C12orf42: variants seen among roughly 807,000 people sequenced by gnomAD.
C12orf42 encodes the protein chromosome 12 open reading frame 42.
A neutral mutation model predicts 21.6 loss-of-function variants in C12orf42; 25 were observed. The observed-to-expected ratio is 1.16, with a 90% CI of 0.84 to 1.62. C12orf42 has a LOEUF of 1.62. Among genes scored for constraint, C12orf42 ranks in the 40% most tolerant of loss-of-function variants. The pLI is 0.00. For missense variants in C12orf42, 483 were observed against 459.3 expected (o/e 1.05, Z -0.47); for synonymous variants, 174 against 175.0 (o/e 0.99, Z 0.05).
At chr12:103,411,089 C>G (rs1266798858) in intron 2 of C12orf42, among the ~76,000 whole-genome samples, 1 of 152,190 alleles carries the variant, frequency 6.6e-6, no homozygotes, top group Non-Finnish European at 1.5e-5. Flanking sequence ...CAGAAAAATA[C>G]TAGAGAGCAG....
chr12:103,454,767 T>A (rs1286264397), intron 2 of C12orf42, among the ~76,000 whole-genome samples: 1 of 152,178 alleles, frequency 6.6e-6, no homozygotes, highest in African/African-American at 2.4e-5. Flanking sequence ...CCATCTTTGT[T>A]TCCACTGATA....
the C12orf42 span, among the ~76,000 whole-genome samples, chr12:103,113,609 G>T: frequency 6.6e-6 from 1 of 152,156 alleles, no homozygotes; most frequent in Admixed American, 6.5e-5. Flanking sequence ...AGAGGACCTT[G>T]ATGTTGCTTA....
chr12:103,155,481 T>C, the C12orf42 span, among the ~76,000 whole-genome samples: 1 of 152,100 alleles, frequency 6.6e-6, no homozygotes, highest in Non-Finnish European at 1.5e-5. Flanking sequence ...TATGAGCACA[T>C]AATGAGTTTT....
chr12:103,379,632 A>G (rs1187916861), intron 3 of C12orf42, among the ~76,000 whole-genome samples: 1 of 152,228 alleles, frequency 6.6e-6, no homozygotes, highest in Admixed American at 6.5e-5. Context: ...TCATAATTCA[A>G]TTATCCAATG....
chr12:103,166,105 C>T, the C12orf42 span, among the ~76,000 whole-genome samples: 1 of 147,250 alleles, frequency 6.8e-6, no homozygotes, highest in Non-Finnish European at 1.5e-5. Context: ...AGGAAGAAAC[C>T]ACAAGAAGTG....
At chr12:103,331,870 T>C (rs994496320) in intron 4 of C12orf42, among the ~76,000 whole-genome samples, 2 of 152,100 alleles carry the variant, frequency 1.3e-5, no homozygotes, top group African/African-American at 4.8e-5. Context: ...GATAGCAGTA[T>C]AGGCAGGAAG....
the C12orf42 span, among the ~76,000 whole-genome samples, chr12:103,142,740 T>A: frequency 1.7e-4 from 26 of 152,224 alleles, no homozygotes; most frequent in Admixed American, 6.5e-4. Flanking sequence ...AATTTCTCTA[T>A]ATGTCTCAAA....
upstream of C12orf42, among the ~76,000 whole-genome samples, chr12:103,498,480 G>A (rs567493452): frequency 3.9e-4 from 59 of 152,124 alleles, no homozygotes; most frequent in Non-Finnish European, 7.9e-4. Context: ...ATATTATTCA[G>A]ACAAAAAAGG....
chr12:103,061,806 T>G, the C12orf42 span, among the ~76,000 whole-genome samples: 1 of 151,720 alleles, frequency 6.6e-6, no homozygotes, highest in Non-Finnish European at 1.5e-5. Flanking sequence ...TTTTACCTGA[T>G]TTTTTTTAAT....
At chr12:103,240,366 G>A (rs1202924885) in intron 10 of C12orf42, among the ~76,000 whole-genome samples, 5 of 152,142 alleles carry the variant, frequency 3.3e-5, no homozygotes, top group African/African-American at 1.2e-4. Flanking sequence ...AGCTTCTATT[G>A]TCATCACCCT....
chr12:103,089,026 C>T, the C12orf42 span, among the ~76,000 whole-genome samples: 3 of 135,724 alleles, frequency 2.2e-5, no homozygotes, highest in African/African-American at 5.6e-5. Flanking sequence ...GGCGTGAACC[C>T]GGGAGGCGGA....
chr12:103,339,881 A>G (rs904854748), intron 4 of C12orf42, among the ~76,000 whole-genome samples: 1 of 152,264 alleles, frequency 6.6e-6, no homozygotes, highest in Non-Finnish European at 1.5e-5. Flanking sequence ...AATTTAAATA[A>G]AAGAAACTAC....
intron 2 of C12orf42, among the ~76,000 whole-genome samples, chr12:103,420,207 T>C (rs947327820): frequency 6.6e-6 from 1 of 152,226 alleles, no homozygotes; most frequent in Non-Finnish European, 1.5e-5. Flanking sequence ...TACAGCTTGA[T>C]AATTAACATT....
At chr12:103,364,114 C>A (rs912114212) in intron 4 of C12orf42, among the ~76,000 whole-genome samples, 2 of 151,998 alleles carry the variant, frequency 1.3e-5, no homozygotes, top group Admixed American at 6.6e-5. Context: ...AGCCTCAATA[C>A]ATTTAAGAAA....
chr12:103,222,009 T>C, the C12orf42 span, among the ~76,000 whole-genome samples: 1 of 152,162 alleles, frequency 6.6e-6, no homozygotes. Context: ...AACAATTTGG[T>C]AGGCATCAAC....
At chr12:103,332,546 T>C (rs1213201395) in intron 4 of C12orf42, among the ~76,000 whole-genome samples, 3 of 152,366 alleles carry the variant, frequency 2.0e-5, no homozygotes, top group South Asian at 4.1e-4. Context: ...TTAATAGCAC[T>C]CATCCTTACC....
intron 3 of C12orf42, among the ~76,000 whole-genome samples, chr12:103,382,438 A>G (rs1412771580): frequency 6.6e-6 from 1 of 152,236 alleles, no homozygotes; most frequent in African/African-American, 2.4e-5. Context: ...AGCAGACACA[A>G]AGCAGAAAAA....
At chr12:103,337,085 T>C (rs2041764094) in intron 4 of C12orf42, among the ~76,000 whole-genome samples, 1 of 152,210 alleles carries the variant, frequency 6.6e-6, no homozygotes, top group Non-Finnish European at 1.5e-5. Context: ...GGTTAAATTG[T>C]GCTGCATTTG....
chr12:103,358,591 T>C (rs867411515), intron 4 of C12orf42, among the ~76,000 whole-genome samples: 2 of 151,122 alleles, frequency 1.3e-5, no homozygotes, highest in Admixed American at 1.3e-4. Context: ...ACCATCACCA[T>C]CACCCATATT....
Sources: gnomAD v4.1 joint callset for allele counts (sites outside exome capture counted in the v4.1 genomes callset) on GRCh38, gnomAD v4.1.1 for gene constraint, MANE v1.5 for transcripts, NCBI Gene and HGNC (gene_info 2026-07-23, HGNC 2026-07-21) for gene names.